The following FAM3D variants were observed in gnomAD, a reference collection of about 807,000 sequenced individuals.
FAM3D encodes protein FAM3D.
Under a neutral mutation model 29.8 loss-of-function variants are expected in FAM3D, and 26 were observed. That is an observed-to-expected ratio of 0.87 (90% CI 0.64 to 1.21). The LOEUF (loss-of-function observed/expected upper bound fraction) is 1.21, where lower values mean the gene tolerates loss of function less well. FAM3D is among the 50% of genes most tolerant of loss of function. The pLI, the probability that FAM3D is intolerant of heterozygous loss-of-function variation, is 0.00. For synonymous variants in FAM3D, 115 were observed against 102.3 expected (o/e 1.12, Z -0.75); for missense variants, 253 against 290.9 (o/e 0.87, Z 0.95).
chr3:58,641,862 C>T (rs1006464746), intron 6 of FAM3D, among the ~76,000 whole-genome samples: 4 of 152,150 alleles, frequency 2.6e-5, no homozygotes, highest in Non-Finnish European at 2.9e-5. Context: ...AGTCTGGGGC[C>T]ATCTCATTGG....
In FAM3D at chr3:58,641,521, A is replaced by C. The variant is rs201168568; in HGVS notation, c.323-1344T>G. On this transcript the variant is annotated intron_variant, in intron 6 of 9. Coordinates refer to ENST00000358781, the MANE Select transcript of FAM3D (RefSeq NM_138805.3). ...AGGTGTGCGCCACCACACCCAGCTA[A>C]TTTTTTTACTTTTTGTAGAGACGGG... Among the ~76,000 whole-genome samples the C allele has an allele frequency of 4.6e-5, 7 of 151,834 alleles. No homozygotes were observed. In the East Asian group the frequency reaches 1.4e-3, roughly 30 times the overall value.
At chr3:58,636,446 AG>A in intron 8 of FAM3D, 26 bp from the exon 9 acceptor site, 1 of 1,612,982 alleles carries the variant, frequency 6.2e-7, no homozygotes, top group Non-Finnish European at 8.5e-7. Context: ...GAGGATGGTC[AG>A]GATGCGGGGG....
intron 6 of FAM3D, among the ~76,000 whole-genome samples, chr3:58,641,262 C>G (rs1048717811): frequency 2.2e-4 from 34 of 152,240 alleles, no homozygotes; most frequent in African/African-American, 8.2e-4. Context: ...CATTTCTAGT[C>G]TAGGGAGGTA....
At chr3:58,648,878 G>T (rs987418591) in intron 4 of FAM3D, among the ~76,000 whole-genome samples, 1 of 152,168 alleles carries the variant, frequency 6.6e-6, no homozygotes, top group Non-Finnish European at 1.5e-5. Flanking sequence ...TTGTCTCTGG[G>T]GCCCCTGTAG....
intron 4 of FAM3D, 58 bp downstream of exon 4, chr3:58,649,257 G>T: frequency 6.3e-7 from 1 of 1,591,616 alleles, no homozygotes; most frequent in South Asian, 1.1e-5. Context: ...TAGGGCAAAT[G>T]GGAGCAGGGG....
chr3:58,649,235 G>A (rs2066559761), intron 4 of FAM3D, 80 bp downstream of exon 4: 6 of 1,544,572 alleles, frequency 3.9e-6, no homozygotes, highest in Non-Finnish European at 5.3e-6. Flanking sequence ...GGGGCCCTGG[G>A]CCTTGTTGCC....
At chr3:58,649,289 A>C (rs1409205020) in intron 4 of FAM3D, 26 bp downstream of exon 4, 10 of 1,605,644 alleles carry the variant, frequency 6.2e-6, no homozygotes, top group Non-Finnish European at 8.5e-6. Flanking sequence ...AGGTCGGGGG[A>C]GGTGTGGGGC....
intron 4 of FAM3D, 25 bp from the exon 5 acceptor site, chr3:58,645,651 G>C: frequency 6.2e-7 from 1 of 1,600,254 alleles, no homozygotes; most frequent in South Asian, 1.1e-5. Flanking sequence ...GACCAGCCTT[G>C]GTGGGCAGAA....
At position 58,653,665 on chromosome 3, in the gene FAM3D, C is replaced by G. The variant is rs1429485367; in HGVS notation, c.121+9G>C. 6.2e-6 allele frequency: 10 copies of G among 1,612,462 alleles called. No individual in the cohort carries two copies. Among genetic ancestry groups the G allele is most frequent in the Non-Finnish European group, 8.5e-6 (10 of 1,179,426 alleles). ...GCAGTTCCTGCCCCCAGCAGTGAGC[C>G]CCACTCACCCAGCCAGCGTGGCAGA... On this transcript the variant is annotated intron_variant, in intron 3 of 9. Coordinates refer to ENST00000358781, the MANE Select transcript of FAM3D (RefSeq NM_138805.3).
intron 6 of FAM3D, among the ~76,000 whole-genome samples, chr3:58,641,770 G>A (rs797015872): frequency 3.9e-5 from 6 of 152,342 alleles, no homozygotes; most frequent in African/African-American, 1.4e-4. Context: ...GGCACAGTAA[G>A]TGCCCAATAA....
chr3:58,662,766 G>A (rs1249671560), intron 1 of FAM3D, among the ~76,000 whole-genome samples: 1 of 152,178 alleles, frequency 6.6e-6, no homozygotes, highest in African/African-American at 2.4e-5. Flanking sequence ...GTTGGTGGGG[G>A]TTACTCCCTT....
At chr3:58,663,824 C>T (rs1258063295) in intron 1 of FAM3D, among the ~76,000 whole-genome samples, 2 of 152,308 alleles carry the variant, frequency 1.3e-5, no homozygotes, top group East Asian at 1.9e-4. Context: ...CCAGCCTCTC[C>T]CCGGCCCTGC....
intron 5 of FAM3D, 114 bp downstream of exon 5, chr3:58,645,395 G>A: frequency 4.4e-6 from 3 of 683,790 alleles, no homozygotes; most frequent in South Asian, 3.1e-5. Flanking sequence ...GAGTGAAAGG[G>A]AAGCTGTGGG....
intron 4 of FAM3D, 24 bp downstream of exon 4, chr3:58,649,291 G>T (rs756198117): frequency 3.1e-6 from 5 of 1,612,548 alleles, no homozygotes; most frequent in Non-Finnish European, 4.2e-6. Flanking sequence ...GTCGGGGGAG[G>T]TGTGGGGCTG....
chr3:58,640,149 C>T lies in FAM3D; in HGVS notation c.351G>A (p.Lys117=), dbSNP rs776319010. ...NGTTGAVLGQ[K]AFDMYSGDVM... is the part of the protein sequence containing the mutation. ...TACCTCCAGAGTACATGTCAAATGCCTTCTGTCCCAGCACAGCTCCCGTGG... is the reference window on the plus strand; with the variant it reads ...TACCTCCAGAGTACATGTCAAATGCTTTCTGTCCCAGCACAGCTCCCGTGG... The change falls in exon 7 of 10, where the codon AAG becomes AAA. Residue 117 remains lysine (K), a synonymous_variant. Coordinates refer to ENST00000358781, the MANE Select transcript of FAM3D (RefSeq NM_138805.3). 5.0e-6 allele frequency: 8 copies of T among 1,614,104 alleles called. No individual in the cohort carries two copies. Among genetic ancestry groups the T allele is most frequent in the Non-Finnish European group, 6.8e-6 (8 of 1,180,044 alleles).
chr3:58,637,287 C>T, intron 7 of FAM3D, 62 bp from the exon 8 acceptor site: 1 of 1,443,074 alleles, frequency 6.9e-7, no homozygotes, highest in Non-Finnish European at 9.5e-7. Flanking sequence ...CATTCTCATG[C>T]TTGTCTACTG....
intron 1 of FAM3D, among the ~76,000 whole-genome samples, chr3:58,659,977 T>C (rs1294461363): frequency 6.6e-6 from 1 of 152,168 alleles, no homozygotes; most frequent in African/African-American, 2.4e-5. Flanking sequence ...CATCAGTTCT[T>C]CCTCTTCAGG....
At chr3:58,655,456 C>T in intron 2 of FAM3D, 95 bp downstream of exon 2, 2 of 1,523,270 alleles carry the variant, frequency 1.3e-6, no homozygotes, top group South Asian at 1.2e-5. Context: ...TCGGGCCTGA[C>T]CATTTGAGAA....
intron 4 of FAM3D, among the ~76,000 whole-genome samples, chr3:58,646,664 C>G (rs544879885): frequency 4.6e-5 from 7 of 152,356 alleles, no homozygotes; most frequent in Non-Finnish European, 1.0e-4. Flanking sequence ...CCCTCCCCAG[C>G]CCCTGTGCCA....
Sources: allele counts gnomAD v4.1 joint callset (sites outside exome capture counted in the v4.1 genomes callset), GRCh38; gene constraint gnomAD v4.1.1; transcripts MANE v1.5; gene names NCBI Gene and HGNC (gene_info 2026-07-23, HGNC 2026-07-21).